Variants in CPSF2 observed in about 807,000 individuals in gnomAD.
The protein encoded by CPSF2 is cleavage and polyadenylation specificity factor subunit 2.
A neutral mutation model predicts 84.2 loss-of-function variants in CPSF2; 51 were observed. That is an observed-to-expected ratio of 0.61 (90% CI 0.48 to 0.77). The LOEUF (loss-of-function observed/expected upper bound fraction) is 0.77. Ranked by LOEUF, CPSF2 falls within the 30% of genes least tolerant of loss-of-function variation. The pLI is 0.00. For missense variants in CPSF2, 641 were observed against 929.4 expected (o/e 0.69, Z 4.03); for synonymous variants, 286 against 311.9 (o/e 0.92, Z 0.87).
intron 9 of CPSF2, among the ~76,000 whole-genome samples, chr14:92,147,839 T>C (rs2069162413): frequency 6.6e-6 from 1 of 152,194 alleles, no homozygotes; most frequent in East Asian, 1.9e-4. Context: ...GCCTCCTGCT[T>C]AAGCCTCCCA....
At chr14:92,138,609 T>C (rs1246337961) in intron 7 of CPSF2, among the ~76,000 whole-genome samples, 2 of 151,972 alleles carry the variant, frequency 1.3e-5, no homozygotes, top group African/African-American at 2.4e-5. Context: ...TTTGTATTTT[T>C]AGTGGAGACA....
chr14:92,134,158 T>G lies in CPSF2; in HGVS notation c.297T>G (p.Tyr99Ter). 1 of 1,614,158 alleles carries G rather than the reference T, an allele frequency of 6.2e-7. No individual in the cohort carries two copies. Among genetic ancestry groups the G allele is most frequent in the Non-Finnish European group, 8.5e-7 (1 of 1,179,994 alleles). Residue 99 changes from tyrosine to a stop codon, truncating the protein, a stop_gained, in exon 4 of 16, where the codon TAT becomes TAG. Coordinates refer to ENST00000298875, the MANE Select transcript of CPSF2 (RefSeq NM_017437.3). LOFTEE classifies it high-confidence loss of function. The stretch of plus-strand genomic sequence containing the variant: ...ATAAAATGGGACAGATGTTCATGTA[T>G]GATCTTTATCAGGTAATTTAAGCAA... ...PVYKMGQMFM[Y>*]DLYQSRHNTE...
chr14:92,133,020 G>A (rs888296065), intron 3 of CPSF2, among the ~76,000 whole-genome samples: 19 of 152,152 alleles, frequency 1.2e-4, no homozygotes, highest in Admixed American at 2.0e-4. Context: ...GAACCGGGCG[G>A]TGGAGGTCGC....
At chr14:92,154,265 C>A in intron 9 of CPSF2, 93 bp from the exon 10 acceptor site, 2 of 776,696 alleles carry the variant, frequency 2.6e-6, no homozygotes, top group South Asian at 2.2e-5. Context: ...GATGATAGAG[C>A]AATTTAGAGA....
At chr14:92,149,913 C>A (rs1279934995) in intron 9 of CPSF2, among the ~76,000 whole-genome samples, 2 of 152,064 alleles carry the variant, frequency 1.3e-5, no homozygotes, top group African/African-American at 4.8e-5. Context: ...CCTCAGCATC[C>A]CAAAGTGCTG....
intron 9 of CPSF2, among the ~76,000 whole-genome samples, chr14:92,150,727 A>G (rs984488245): frequency 1.3e-5 from 2 of 152,166 alleles, no homozygotes; most frequent in East Asian, 1.9e-4. Context: ...CCCAGTCTGG[A>G]ACACCATTTT....
chr14:92,140,635 T>C (rs2069065104), intron 7 of CPSF2, among the ~76,000 whole-genome samples: 5 of 151,942 alleles, frequency 3.3e-5, no homozygotes, highest in Admixed American at 3.3e-4. Flanking sequence ...GGTTTCACCA[T>C]GTTGGCCAGG....
chr14:92,132,792 CAAAA>C (rs945880629), intron 3 of CPSF2, among the ~76,000 whole-genome samples: 1 of 149,784 alleles, frequency 6.7e-6, no homozygotes, highest in African/African-American at 2.5e-5. Context: ...ACAAAAAAAA[CAAAA>C]AGAGTTAAGT....
In CPSF2 at chr14:92,142,184, C is replaced by T; in HGVS notation, c.682C>T (p.Arg228Ter). 3.1e-6 allele frequency: 5 copies of T among 1,609,802 alleles called. No individual in the cohort carries two copies. The highest frequency in any genetic ancestry group is 2.2e-5 in the South Asian group (2 of 90,542). The change falls in exon 8 of 16, where the codon CGA (arginine) becomes TGA (stop). Residue 228 changes from arginine to a stop codon, truncating the protein, a stop_gained. Transcript: ENST00000298875. LOFTEE classifies it high-confidence loss of function. ...QLLTNVLETL[R>*]GDGNVLIAVD... ...TCTAGCAAATGTCCTGGAAACACTT[C>T]GAGGTGATGGAAATGTGTTAATAGC...
At chr14:92,151,345 A>G (rs2069212670) in intron 9 of CPSF2, among the ~76,000 whole-genome samples, 1 of 152,004 alleles carries the variant, frequency 6.6e-6, no homozygotes, top group South Asian at 2.1e-4. Flanking sequence ...GTGAGCAGTG[A>G]TCATGCCACT....
intron 2 of CPSF2, among the ~76,000 whole-genome samples, chr14:92,130,703 G>A (rs1270313191): frequency 6.6e-6 from 1 of 152,086 alleles, no homozygotes; most frequent in African/African-American, 2.4e-5. Flanking sequence ...CCACTAGGGA[G>A]CCACTAAAGG....
chr14:92,132,703 C>T (rs61976579), intron 3 of CPSF2, among the ~76,000 whole-genome samples: 30,223 of 148,758 alleles, frequency 0.2, 3,257 homozygotes, highest in East Asian at 0.29. Context: ...ACCTGGGAGG[C>T]GGAGGTTGCA....
chr14:92,127,806 A>G lies in CPSF2; in HGVS notation c.-35+1626A>G, dbSNP rs542036187. On this transcript the variant is annotated intron_variant, in intron 2 of 15. Transcript: ENST00000298875. Reference sequence around the variant, plus strand: ...GATGGGAGCAGGACTATTCTATACAACAGGAGACCCAACAGTGTACATGCA... The same window carrying G: ...GATGGGAGCAGGACTATTCTATACAGCAGGAGACCCAACAGTGTACATGCA... 3.2e-3 allele frequency among the ~76,000 whole-genome samples: 480 copies of G among 152,324 alleles called. 2 individuals are homozygous for G. The highest frequency in any genetic ancestry group is 9.3e-3 in the South Asian group (45 of 4,822).
chr14:92,157,998 C>T lies in CPSF2; in HGVS notation c.1821+114C>T, dbSNP rs536645472. 7.3e-4 allele frequency: 518 copies of T among 704,936 alleles called. 7 individuals are homozygous for T. In the South Asian group the frequency reaches 8.3e-3, roughly 11 times the overall value. 43.7% of individuals were successfully genotyped at this position (704,936 alleles called of 1,614,324 possible). On this transcript the variant is annotated intron_variant, in intron 13 of 15. Coordinates refer to ENST00000298875, the MANE Select transcript of CPSF2 (RefSeq NM_017437.3). This position sits in a 1 kb window ranked among gnomAD's most constrained non-coding sequence, Gnocchi z 4.0. Reference sequence around the variant, plus strand: ...GAGACAGACATGGATGGTCTCCTGCCCTAGCAGACCTCATAGGGTATGGGG... The same window carrying T: ...GAGACAGACATGGATGGTCTCCTGCTCTAGCAGACCTCATAGGGTATGGGG...
chr14:92,129,211 G>A (rs1339395071), intron 2 of CPSF2, among the ~76,000 whole-genome samples: 1 of 151,900 alleles, frequency 6.6e-6, no homozygotes, highest in Non-Finnish European at 1.5e-5. Context: ...GTATGATGAG[G>A]GAACAGCCAG....
At position 92,152,031 on chromosome 14, in the gene CPSF2, C is replaced by T. The variant is rs556866497; in HGVS notation, c.1141-2327C>T. On this transcript the variant is annotated intron_variant, in intron 9 of 15. Coordinates refer to ENST00000298875, the MANE Select transcript of CPSF2 (RefSeq NM_017437.3). ...GTCTCAAAAAAAAAAAAAAAAATGC[C>T]GTTCTTCCCACTATCTTTTTTTTGC... 2.7e-5 allele frequency among the ~76,000 whole-genome samples: 4 copies of T among 150,192 alleles called. No homozygotes were observed. The East Asian group carries it at 5.8e-4, about 22-fold the overall frequency.
rs2069304938 is a variant in CPSF2 at position 92,157,473 on chromosome 14, C to G, written c.1596-186C>G. Among the ~76,000 whole-genome samples, 1 of 152,096 alleles carries G rather than the reference C, an allele frequency of 6.6e-6. No individual in the cohort carries two copies. Among genetic ancestry groups the G allele is most frequent in the African/African-American group, 2.4e-5 (1 of 41,414 alleles). On this transcript the variant is annotated intron_variant, in intron 12 of 15. Coordinates refer to ENST00000298875, the MANE Select transcript of CPSF2 (RefSeq NM_017437.3). This position sits in a 1 kb window ranked among gnomAD's most constrained non-coding sequence, Gnocchi z 4.0. ...AATGAGCGAAGATCATGCTACTGCA[C>G]TCTAGCCTGGGCAAAAGAGCGAGAC...
intron 9 of CPSF2, among the ~76,000 whole-genome samples, chr14:92,149,813 G>A (rs892391975): frequency 6.6e-6 from 1 of 151,736 alleles, no homozygotes; most frequent in Non-Finnish European, 1.5e-5. Flanking sequence ...GTGCCACCAC[G>A]CCTGGCTGAT....
chr14:92,136,947 TAATG>T (rs2069007637), intron 6 of CPSF2, among the ~76,000 whole-genome samples: 2 of 151,710 alleles, frequency 1.3e-5, no homozygotes, highest in African/African-American at 4.8e-5. Context: ...AGCATAAAAA[TAATG>T]AACCAAGTTA....
Sources: allele counts gnomAD v4.1 joint callset (sites outside exome capture counted in the v4.1 genomes callset), GRCh38; gene constraint gnomAD v4.1.1; non-coding constraint Gnocchi (gnomAD v3.1); transcripts MANE v1.5; gene names NCBI Gene and HGNC (gene_info 2026-07-23, HGNC 2026-07-21).